Variants in SEC14L3 observed in about 807,000 individuals in gnomAD.
The protein encoded by SEC14L3 is SEC14 like lipid binding 3.
SEC14L3 carries 56 observed loss-of-function variants against 57.4 expected under a neutral mutation model. The observed-to-expected ratio is 0.97, with a 90% CI of 0.79 to 1.22. The LOEUF is 1.22. Among genes scored for constraint, SEC14L3 ranks in the 50% most tolerant of loss-of-function variants. SEC14L3 has a pLI of 0.00. For synonymous variants in SEC14L3, 173 were observed against 194.4 expected, an observed-to-expected ratio of 0.89 and a Z score of 0.92; for missense variants, 485 against 511.7, an observed-to-expected ratio of 0.95 and a Z score of 0.50.
downstream of SEC14L3, among the ~76,000 whole-genome samples, chr22:30,456,677 C>A (rs571461774): frequency 6.6e-6 from 1 of 152,350 alleles, no homozygotes; most frequent in African/African-American, 2.4e-5. Context: ...GCCACATTTC[C>A]TCCTGAGATT....
chr22:30,456,936 G>C (rs1172373815), downstream of SEC14L3, among the ~76,000 whole-genome samples: 2 of 152,218 alleles, frequency 1.3e-5, no homozygotes. Flanking sequence ...GCAGATCTCA[G>C]CTCTGGCCCT....
intron 5 of SEC14L3, among the ~76,000 whole-genome samples, chr22:30,468,076 C>T (rs1338596336): frequency 1.3e-5 from 2 of 152,002 alleles, no homozygotes; most frequent in African/African-American, 4.8e-5. Flanking sequence ...GTCAGGAGAT[C>T]GAGACCATCC....
rs1218231272 is a variant in SEC14L3, at chr22:30,466,426, CACATCACATCTTCTCCT to C, written c.520-49_520-33del. On this transcript the variant is annotated intron_variant, in intron 6 of 11. Coordinates refer to ENST00000215812, the MANE Select transcript of SEC14L3 (RefSeq NM_174975.5). ...AACCAAGAGAGATCCCTTCAGAGAG[CACATCACATCTTCTCCT>C]ACCTCCATCTCCTGTGCAATCTCCT... is the stretch of plus-strand genomic sequence containing the variant. The C allele has an allele frequency of 3.1e-6, 5 of 1,613,806 alleles. No individual in the cohort carries two copies. In the African/African-American group the frequency reaches 6.7e-5, roughly 22 times the overall value.
rs116853445 is a variant in SEC14L3, at chr22:30,459,938, A to T, written c.*83T>A. 1.3e-6 allele frequency: 2 copies of T among 1,546,320 alleles called. No homozygotes were observed. Among genetic ancestry groups the T allele is most frequent in the Non-Finnish European group, 1.8e-6 (2 of 1,142,700 alleles). On this transcript the variant is annotated 3_prime_UTR_variant, in exon 12 of 12. Transcript: ENST00000215812. The stretch of plus-strand genomic sequence containing the variant: ...CGTCACAGAGTCAGGAGGACTAACA[A>T]TCAATTTCAGGGAGGGAGGGAGTGT...
intron 5 of SEC14L3, 82 bp from the exon 6 acceptor site, chr22:30,467,159 G>C: frequency 6.3e-7 from 1 of 1,588,704 alleles, no homozygotes; most frequent in Admixed American, 1.7e-5. Context: ...TGACCCCTTG[G>C]GGCTTCTTCT....
At chr22:30,455,850 C>T (rs1171118675), downstream of SEC14L3, among the ~76,000 whole-genome samples, 1 of 152,238 alleles carries the variant, frequency 6.6e-6, no homozygotes, top group Non-Finnish European at 1.5e-5. Context: ...CTTTTCCTTC[C>T]CTGGCTCTGC....
At chr22:30,467,439 A>G (rs1935457554) in intron 5 of SEC14L3, among the ~76,000 whole-genome samples, 1 of 152,252 alleles carries the variant, frequency 6.6e-6, no homozygotes, top group Admixed American at 6.5e-5. Flanking sequence ...ATATTTATCA[A>G]GCACTTTTTT....
chr22:30,461,270 C>A (rs779770232), intron 11 of SEC14L3, 40 bp downstream of exon 11: 1 of 1,544,120 alleles, frequency 6.5e-7, no homozygotes, highest in African/African-American at 1.4e-5. Flanking sequence ...ACAGGTGGCT[C>A]TAGCCTTTCA....
chr22:30,460,845 A>AAAGAG (rs1935232734), intron 11 of SEC14L3, among the ~76,000 whole-genome samples: 1 of 151,716 alleles, frequency 6.6e-6, no homozygotes, highest in Non-Finnish European at 1.5e-5. Flanking sequence ...AAAAAAAAAA[A>AAAGAG]AAAAAAGAGA....
At chr22:30,462,348 G>T in intron 8 of SEC14L3, 156 bp from the exon 9 acceptor site, 1 of 698,706 alleles carries the variant, frequency 1.4e-6, no homozygotes, top group Non-Finnish European at 1.8e-6. Flanking sequence ...GCTACAGTAA[G>T]TGTCTTTCTC....
chr22:30,459,946 CAGGGAGGG>C lies in SEC14L3; in HGVS notation c.*67_*74del. 6.4e-7 allele frequency: 1 copy of C among 1,555,972 alleles called. No homozygotes were observed. Among genetic ancestry groups the C allele is most frequent in the Non-Finnish European group, 8.7e-7 (1 of 1,147,498 alleles). On this transcript the variant is annotated 3_prime_UTR_variant, in exon 12 of 12. Coordinates refer to ENST00000215812, the MANE Select transcript of SEC14L3 (RefSeq NM_174975.5). ...AGTCAGGAGGACTAACAATCAATTTCAGGGAGGGAGGGAGTGTAGGATATAAACAGAGA... is the reference window on the plus strand; with the variant it reads ...AGTCAGGAGGACTAACAATCAATTTCAGGGAGTGTAGGATATAAACAGAGA...
rs1426319779 is a variant in SEC14L3, at chr22:30,468,579, G to C, written c.352C>G (p.Gln118Glu). Residue 118 changes from glutamine (Q) to glutamate (E), a missense_variant, in exon 5 of 12, where the codon CAG (glutamine) becomes GAG (glutamate). Physicochemically the swap from Gln to Glu is conservative, Grantham distance 29 (BLOSUM62 2). Coordinates refer to ENST00000215812, the MANE Select transcript of SEC14L3 (RefSeq NM_174975.5). ...CTCATCTTGGTCTTGAGCAGGTCCT[G>C]CTTGGTGACTGAGAAGAGCAACCCC... is the stretch of plus-strand genomic sequence containing the variant. ...PKGLLFSVTK[Q>E]DLLKTKMRDC... The C allele has an allele frequency of 1.2e-6, 2 of 1,613,952 alleles. No homozygotes were observed. Among genetic ancestry groups the C allele is most frequent in the East Asian group, 2.2e-5 (1 of 44,842 alleles).
At chr22:30,457,098 G>A (rs1465983608), downstream of SEC14L3, among the ~76,000 whole-genome samples, 1 of 152,114 alleles carries the variant, frequency 6.6e-6, no homozygotes, top group Non-Finnish European at 1.5e-5. Context: ...CAACATCGAG[G>A]CCTTTCCTTT....
At chr22:30,454,879 TA>T, downstream of SEC14L3, among the ~76,000 whole-genome samples, 2 of 19,314 alleles carry the variant, frequency 1.0e-4, no homozygotes, top group African/African-American at 3.7e-4. Flanking sequence ...CATAATATAT[TA>T]TTATATATTA....
chr22:30,470,952 G>A (rs1293929674), intron 1 of SEC14L3, among the ~76,000 whole-genome samples: 1 of 152,082 alleles, frequency 6.6e-6, no homozygotes, highest in African/African-American at 2.4e-5. Context: ...AAGATGGATA[G>A]GTGGCTGCGT....
downstream of SEC14L3, among the ~76,000 whole-genome samples, chr22:30,455,015 T>C (rs1212568319): frequency 2.7e-5 from 2 of 74,268 alleles, no homozygotes; most frequent in African/African-American, 1.3e-4. Context: ...ATGTATAATA[T>C]ATTATATATA....
rs565319050 is a variant in SEC14L3, at chr22:30,470,052, A to G, written c.201T>C (p.Asp67=). The change falls in exon 4 of 12, where the codon GAT becomes GAC. Residue 67 remains aspartate, a synonymous_variant. Transcript: ENST00000215812. ...RKYMEFRKTM[D]IDHILDWQPP... ...GCTGCCAATCAAGGATATGGTCAATATCCATGGTCTTCCGGAACTCCATGT... is the reference window on the plus strand; with the variant it reads ...GCTGCCAATCAAGGATATGGTCAATGTCCATGGTCTTCCGGAACTCCATGT... 6.3e-7 allele frequency: 1 copy of G among 1,593,324 alleles called. No homozygotes were observed. The highest frequency in any genetic ancestry group is 1.7e-5 in the Admixed American group (1 of 57,816).
Position 30,461,353 on chromosome 22 carries a change from C to T in SEC14L3, c.1038G>A (p.Met346Ile). The stretch of plus-strand genomic sequence containing the variant: ...AGGTGAGGTTCCCATCCTCGGGCAC[C>T]ATGTGGGCGTTATAGCGCTGGCTGG... ...VLPSQRYNAHMVPEDGNLTCS... is the reference protein window; with the variant it reads ...VLPSQRYNAHIVPEDGNLTCS... The change falls in exon 11 of 12, where the codon ATG (methionine) becomes ATA (isoleucine). Residue 346 changes from methionine to isoleucine, a missense_variant. Physicochemically the swap from Met to Ile is conservative, Grantham distance 10. Coordinates refer to ENST00000215812, the MANE Select transcript of SEC14L3 (RefSeq NM_174975.5). 6.2e-7 allele frequency: 1 copy of T among 1,612,558 alleles called. No individual in the cohort carries two copies. Among genetic ancestry groups the T allele is most frequent in the Non-Finnish European group, 8.5e-7 (1 of 1,179,186 alleles).
At chr22:30,460,528 C>T (rs987894840) in intron 11 of SEC14L3, among the ~76,000 whole-genome samples, 3 of 152,148 alleles carry the variant, frequency 2.0e-5, no homozygotes, top group Non-Finnish European at 4.4e-5. Flanking sequence ...TGCCTCCTCA[C>T]AACCACCCCA....
Sources: gnomAD v4.1 joint callset for allele counts (sites outside exome capture counted in the v4.1 genomes callset) on GRCh38, gnomAD v4.1.1 for gene constraint, MANE v1.5 for transcripts, NCBI Gene and HGNC (gene_info 2026-07-23, HGNC 2026-07-21) for gene names.